BCAT1: variants seen among roughly 807,000 people sequenced by gnomAD.
BCAT1 encodes the protein branched chain amino acid transaminase 1.
A neutral mutation model predicts 52.4 loss-of-function variants in BCAT1; 48 were observed. The observed-to-expected ratio is 0.92, with a 90% confidence interval of 0.73 to 1.16. The LOEUF is 1.16. Among genes scored for constraint, BCAT1 ranks in the 50% most tolerant of loss-of-function variants. The pLI is 0.00. For missense variants in BCAT1, 451 were observed against 457.1 expected (o/e 0.99, Z 0.12); for synonymous variants, 167 against 161.3 (o/e 1.04, Z -0.27).
At chr12:24,890,807 C>CT (rs1186181893) in intron 3 of BCAT1, among the ~76,000 whole-genome samples, 1 of 152,178 alleles carries the variant, frequency 6.6e-6, no homozygotes, top group African/African-American at 2.4e-5. Flanking sequence ...AGTAGCCATT[C>CT]TTTTTTTCCT....
intron 5 of BCAT1, among the ~76,000 whole-genome samples, chr12:24,851,610 CTA>C (rs1298772215): frequency 1.3e-5 from 2 of 152,210 alleles, no homozygotes; most frequent in East Asian, 3.8e-4. Flanking sequence ...TGATGGAAGA[CTA>C]TGTTAGAGAA....
chr12:24,870,889 G>T (rs935549059), intron 5 of BCAT1, among the ~76,000 whole-genome samples: 1 of 152,164 alleles, frequency 6.6e-6, no homozygotes, highest in African/African-American at 2.4e-5. Flanking sequence ...CAGGTGTAGT[G>T]GTGCACGCCT....
At chr12:24,840,876 G>GT (rs763848473) in intron 7 of BCAT1, among the ~76,000 whole-genome samples, 4 of 152,154 alleles carry the variant, frequency 2.6e-5, no homozygotes, top group Non-Finnish European at 4.4e-5. Flanking sequence ...TATATTTCTA[G>GT]TCTCTATAAT....
intron 10 of BCAT1, among the ~76,000 whole-genome samples, chr12:24,818,735 TAGTC>T (rs1465210893): frequency 6.6e-6 from 1 of 152,222 alleles, no homozygotes; most frequent in African/African-American, 2.4e-5. Flanking sequence ...AACTGTATCA[TAGTC>T]AGAATTTCAT....
At chr12:24,910,128 C>T (rs766464883) in intron 1 of BCAT1, among the ~76,000 whole-genome samples, 1 of 152,200 alleles carries the variant, frequency 6.6e-6, no homozygotes, top group Non-Finnish European at 1.5e-5. Flanking sequence ...AATCCCAGCA[C>T]TTTGGGAGGC....
At chr12:24,874,641 C>T (rs1450773225) in intron 5 of BCAT1, among the ~76,000 whole-genome samples, 1 of 152,198 alleles carries the variant, frequency 6.6e-6, no homozygotes, top group Non-Finnish European at 1.5e-5. Flanking sequence ...TATTTCATTC[C>T]TTAACAAGGT....
chr12:24,861,442 C>T (rs953669096), intron 5 of BCAT1, among the ~76,000 whole-genome samples: 3 of 152,216 alleles, frequency 2.0e-5, no homozygotes, highest in Admixed American at 2.0e-4. Context: ...TAAGACTACT[C>T]AACGTTTTCT....
At chr12:24,855,244 G>A (rs138819424) in intron 5 of BCAT1, among the ~76,000 whole-genome samples, 4 of 149,740 alleles carry the variant, frequency 2.7e-5, no homozygotes, top group South Asian at 2.1e-4. Context: ...CACAGATAAC[G>A]AGGGAACTGA....
At chr12:24,823,615 C>G (rs763660167) in intron 10 of BCAT1, among the ~76,000 whole-genome samples, 1 of 152,148 alleles carries the variant, frequency 6.6e-6, no homozygotes, top group Non-Finnish European at 1.5e-5. Flanking sequence ...GCAAACCTCC[C>G]CCTTGCTGTT....
chr12:24,908,933 G>C (rs1165434514), intron 1 of BCAT1, among the ~76,000 whole-genome samples: 1 of 152,130 alleles, frequency 6.6e-6, no homozygotes, highest in Non-Finnish European at 1.5e-5. Context: ...CTCAGAGTAA[G>C]TAATGGGCAG....
chr12:24,827,148 C>T (rs944251851), intron 10 of BCAT1, among the ~76,000 whole-genome samples: 2 of 152,054 alleles, frequency 1.3e-5, no homozygotes, highest in Non-Finnish European at 2.9e-5. Context: ...TGCCTATTTG[C>T]CCTGGCCTCT....
chr12:24,889,068 T>A (rs1387086046), intron 3 of BCAT1, among the ~76,000 whole-genome samples: 2 of 152,152 alleles, frequency 1.3e-5, no homozygotes, highest in Non-Finnish European at 2.9e-5. Context: ...CCTAAGTAAA[T>A]CAGACACTTC....
At chr12:24,865,758 A>G (rs1370023650) in intron 5 of BCAT1, among the ~76,000 whole-genome samples, 1 of 152,228 alleles carries the variant, frequency 6.6e-6, no homozygotes, top group African/African-American at 2.4e-5. Flanking sequence ...GTTATCAACA[A>G]TCTAATAATG....
intron 5 of BCAT1, among the ~76,000 whole-genome samples, chr12:24,854,232 G>A (rs1369193385): frequency 6.6e-6 from 1 of 152,224 alleles, no homozygotes; most frequent in African/African-American, 2.4e-5. Flanking sequence ...AGTGAGCTGA[G>A]AAGAGTACTA....
intron 10 of BCAT1, among the ~76,000 whole-genome samples, chr12:24,829,347 G>A (rs142348524): frequency 0.01 from 1,579 of 152,232 alleles, 15 homozygotes; most frequent in Non-Finnish European, 0.015. Context: ...TCGTGCCATC[G>A]TACTCCAGCC....
intron 5 of BCAT1, 88 bp downstream of exon 5, chr12:24,878,442 T>G: frequency 8.5e-6 from 11 of 1,293,984 alleles, no homozygotes; most frequent in African/African-American, 3.0e-5. Flanking sequence ...GGGGGGCTAC[T>G]GCAAACTATA....
intron 1 of BCAT1, among the ~76,000 whole-genome samples, chr12:24,909,475 A>T (rs889266690): frequency 6.6e-6 from 1 of 152,248 alleles, no homozygotes; most frequent in Admixed American, 6.5e-5. Flanking sequence ...GACGGTAGTA[A>T]CAAAGTGCCA....
intron 2 of BCAT1, among the ~76,000 whole-genome samples, chr12:24,897,726 G>A (rs962032784): frequency 1.6e-4 from 24 of 152,128 alleles, no homozygotes; most frequent in Admixed American, 1.6e-3. Context: ...GCTAAGTTTT[G>A]TATTTTTGGT....
chr12:24,903,986 T>C (rs1469452641), intron 1 of BCAT1: 1 of 152,200 alleles, frequency 6.6e-6, no homozygotes, highest in East Asian at 1.9e-4. Flanking sequence ...GTTTGGTTTT[T>C]TAAATGGTTT....
Sources: gnomAD v4.1 joint callset for allele counts (sites outside exome capture counted in the v4.1 genomes callset) on GRCh38, gnomAD v4.1.1 for gene constraint, MANE v1.5 for transcripts, NCBI Gene and HGNC (gene_info 2026-07-23, HGNC 2026-07-21) for gene names.